The following DPP8 variants were observed in gnomAD, a reference collection of about 807,000 sequenced individuals.
DPP8 encodes the protein DPP VIII.
DPP8 carries 31 observed loss-of-function variants against 107.5 expected under a neutral mutation model. That is an observed-to-expected ratio of 0.29 (90% confidence interval 0.22 to 0.39). DPP8 has a LOEUF of 0.39. DPP8 is among the 10% of genes least tolerant of loss of function. The probability of loss-of-function intolerance (pLI) is 1.00; values close to 1 mark genes in which losing one functional copy is unlikely to be tolerated. For synonymous variants in DPP8, 381 were observed against 356.6 expected (o/e 1.07, Z -0.77); for missense variants, 842 against 1,076.1 (o/e 0.78, Z 3.04).
intron 16 of DPP8, 76 bp downstream of exon 16, chr15:65,456,145 CTCTT>C: frequency 6.7e-7 from 1 of 1,498,850 alleles, no homozygotes; most frequent in Non-Finnish European, 9.0e-7. Flanking sequence ...TCCCCCAACT[CTCTT>C]TCAAGGGTTT....
At chr15:65,456,392 C>T (rs765885285) in intron 15 of DPP8, 21 bp from the exon 16 acceptor site, 2 of 1,601,332 alleles carry the variant, frequency 1.2e-6, no homozygotes, top group East Asian at 2.2e-5. Flanking sequence ...AACACAACTT[C>T]AGTTTATCAT....
Position 65,443,041 on chromosome 15 carries a change from G to T in DPP8, c.*3843C>A, listed in dbSNP as rs76543082. On this transcript the variant is annotated 3_prime_UTR_variant, in exon 20 of 20. Transcript: ENST00000300141. Reference sequence around the variant, plus strand: ...CCAAGGAAGACACATTTAGTGCAATGAGTTTAATTAACTTCAGAATGTCAT... The same window carrying T: ...CCAAGGAAGACACATTTAGTGCAATTAGTTTAATTAACTTCAGAATGTCAT... 1 of 152,084 alleles carries T rather than the reference G, an allele frequency of 6.6e-6. No homozygotes were observed. Among genetic ancestry groups the T allele is most frequent in the South Asian group, 2.1e-4 (1 of 4,830 alleles). The allele number at this position is 152,084 out of a possible 1,614,324, so 9.4% of individuals were successfully genotyped here.
Position 65,452,066 on chromosome 15 carries a change from AG to A in DPP8, c.2307del (p.Phe770SerfsTer23). 1 of 1,609,846 alleles carries A rather than the reference AG, an allele frequency of 6.2e-7. No individual in the cohort carries two copies. Among genetic ancestry groups the A allele is most frequent in the Non-Finnish European group, 8.5e-7 (1 of 1,178,310 alleles). On this transcript the variant is annotated frameshift_variant, in exon 18 of 20. Transcript: ENST00000300141. LOFTEE classifies it high-confidence loss of function. ...AIAGAPVTLWIFYDTGYTERY... is the reference protein window; with the variant it reads ...AIAGAPVTLWXFYDTGYTERY... ...CGTTCCGTGTATCCTGTATCATAGAAGATCCACAGAGTGACTGGGGCCCCAG... is the reference window on the plus strand; with the variant it reads ...CGTTCCGTGTATCCTGTATCATAGAAATCCACAGAGTGACTGGGGCCCCAG...
chr15:65,506,749 A>G (rs1020010871), intron 3 of DPP8, among the ~76,000 whole-genome samples: 2 of 149,556 alleles, frequency 1.3e-5, no homozygotes, highest in South Asian at 2.1e-4. Flanking sequence ...TTATATATAT[A>G]TGTTAAATAG....
chr15:65,516,853 G>C (rs1262070617), intron 1 of DPP8: 1 of 152,314 alleles, frequency 6.6e-6, no homozygotes, highest in Non-Finnish European at 1.5e-5. Context: ...TATGAATGAG[G>C]AACAAGAGGA....
At chr15:65,517,061 A>C (rs569001926) in intron 1 of DPP8, 1 of 152,972 alleles carries the variant, frequency 6.5e-6, no homozygotes, top group Non-Finnish European at 1.5e-5. Context: ...CAGCTGAAAA[A>C]CCAGAAAATC....
intron 15 of DPP8, among the ~76,000 whole-genome samples, chr15:65,462,172 T>C (rs2064986215): frequency 6.6e-6 from 1 of 151,974 alleles, no homozygotes. Flanking sequence ...TTTCGCCATG[T>C]TGGCCAGGCT....
At chr15:65,517,429 G>A (rs1851578030) in intron 1 of DPP8, 57 bp downstream of exon 1, 1 of 152,626 alleles carries the variant, frequency 6.6e-6, no homozygotes, top group African/African-American at 2.4e-5. Context: ...AGGGCCTGGT[G>A]AGCCGTGGCC....
chr15:65,468,582 C>T (rs1022459797), intron 12 of DPP8, among the ~76,000 whole-genome samples: 2 of 151,534 alleles, frequency 1.3e-5, no homozygotes, highest in South Asian at 2.1e-4. Context: ...TGCCTTTTTT[C>T]CCCCCAGGAA....
intron 3 of DPP8, 117 bp from the exon 4 acceptor site, chr15:65,500,896 G>A: frequency 2.0e-6 from 1 of 505,296 alleles, no homozygotes; most frequent in Non-Finnish European, 3.0e-6. Context: ...TTTTTTTTTT[G>A]AGACAGAGTT....
At chr15:65,488,342 C>T (rs2067640444) in intron 6 of DPP8, among the ~76,000 whole-genome samples, 1 of 151,916 alleles carries the variant, frequency 6.6e-6, no homozygotes, top group Non-Finnish European at 1.5e-5. Flanking sequence ...AGCTCCAAAC[C>T]ATGAGTAGGT....
intron 8 of DPP8, among the ~76,000 whole-genome samples, chr15:65,483,586 C>A (rs1384416576): frequency 1.1e-4 from 16 of 140,706 alleles, no homozygotes; most frequent in African/African-American, 4.3e-4. Context: ...TTTCTTCAAA[C>A]AATAAAATAA....
At chr15:65,475,620 G>C (rs2066315136) in intron 11 of DPP8, 7 of 941,090 alleles carry the variant, frequency 7.4e-6, no homozygotes, top group Non-Finnish European at 1.2e-5. Context: ...ATTTCAACAA[G>C]GCATTTCTTC....
Position 65,444,655 on chromosome 15 carries a change from C to A in DPP8, c.*2229G>T, listed in dbSNP as rs1331994255. 1.3e-5 allele frequency: 2 copies of A among 152,110 alleles called. No individual in the cohort carries two copies. The highest frequency in any genetic ancestry group is 2.9e-5 in the Non-Finnish European group (2 of 68,042). The allele number at this position is 152,110 out of a possible 1,614,324, so 9.4% of individuals were successfully genotyped here. On this transcript the variant is annotated 3_prime_UTR_variant, in exon 20 of 20. Transcript: ENST00000300141. ...GACTGGGAGTGATAATAGAAGCATT[C>A]TTTGTGATAGGAGGAAAGGAGAAGG...
At chr15:65,494,646 G>GAAAAAAAAAA (rs5813355) in intron 5 of DPP8, among the ~76,000 whole-genome samples, 1 of 114,352 alleles carries the variant, frequency 8.7e-6, no homozygotes, top group Non-Finnish European at 1.7e-5. Context: ...CAAAAAAATT[G>GAAAAAAAAAA]AAAAAAAAAA....
At chr15:65,481,361 C>T (rs2066911983) in intron 9 of DPP8, 154 bp downstream of exon 9, 1 of 157,738 alleles carries the variant, frequency 6.3e-6, no homozygotes, top group African/African-American at 2.4e-5. Context: ...CACAAATCCA[C>T]TTAATTCAAG....
chr15:65,510,126 C>A (rs1006550986), intron 2 of DPP8, among the ~76,000 whole-genome samples: 5 of 151,812 alleles, frequency 3.3e-5, no homozygotes, highest in African/African-American at 1.2e-4. Flanking sequence ...TCAGCCTGGA[C>A]AACATGGCGA....
chr15:65,466,681 C>G lies in DPP8; in HGVS notation c.1822G>C (p.Ala608Pro). Residue 608 changes from alanine (A) to proline (P), a missense_variant, in exon 14 of 20, where the codon GCA (alanine) becomes CCA (proline). Transcript: ENST00000300141. Reference sequence around the variant, plus strand: ...GATCAGGGGGAAAAAAGAATACCTGCTGAATCCAAAATGGTGGCCCAAAAT... The same window carrying G: ...GATCAGGGGGAAAAAAGAATACCTGGTGAATCCAAAATGGTGGCCCAAAAT... The part of the protein sequence containing the change: ...KEFWATILDS[A>P]GPLPDYTPPE... The G allele has an allele frequency of 1.9e-6, 3 of 1,613,848 alleles. No homozygotes were observed. The highest frequency in any genetic ancestry group is 2.5e-6 in the Non-Finnish European group (3 of 1,179,872).
intron 12 of DPP8, among the ~76,000 whole-genome samples, chr15:65,472,487 G>A (rs963181195): frequency 1.3e-4 from 20 of 151,928 alleles, no homozygotes; most frequent in African/African-American, 4.6e-4. Flanking sequence ...TTTTGGCAGA[G>A]ACAGGGTCTT....
Sources: allele counts gnomAD v4.1 joint callset (sites outside exome capture counted in the v4.1 genomes callset), GRCh38; gene constraint gnomAD v4.1.1; transcripts MANE v1.5; gene names NCBI Gene and HGNC (gene_info 2026-07-23, HGNC 2026-07-21).